The following UGT2B11 variants were observed in gnomAD, a reference collection of about 807,000 sequenced individuals.
UGT2B11 encodes UDP-glucuronosyltransferase 2B11.
In UGT2B11, 49 loss-of-function variants were observed where a neutral mutation model predicts 51.7. That is an observed-to-expected ratio of 0.95 (90% CI 0.75 to 1.20). The LOEUF is 1.20. Ranked by LOEUF, UGT2B11 falls within the 50% of genes most tolerant of loss-of-function variation. The pLI is 0.00. For synonymous variants in UGT2B11, 273 were observed against 209.0 expected (o/e 1.31, Z -2.64); for missense variants, 810 against 622.1 (o/e 1.30, Z -3.21).
At position 69,214,709 on chromosome 4, in the gene UGT2B11, C is replaced by A. The variant is rs772574972; in HGVS notation, c.14G>T (p.Trp5Leu). The A allele has an allele frequency of 5.6e-6, 9 of 1,612,280 alleles. No individual in the cohort carries two copies. The highest frequency in any genetic ancestry group is 6.8e-6 in the Non-Finnish European group (8 of 1,178,814). MTLK[W>L]TSVLLLIHLS... ...ATGTATCAGCAGAAGAACTGAAGTC[C>A]ATTTCAGAGTCATCCTGGTGCAATG... The change falls in exon 1 of 6, where the codon TGG becomes TTG. Residue 5 changes from tryptophan (W) to leucine (L), a missense_variant. By Grantham distance (61) the Trp-to-Leu change is moderately conservative (BLOSUM62 -2). Transcript: ENST00000446444.
At chr4:69,210,318 C>CG (rs1722014620) in intron 2 of UGT2B11, among the ~76,000 whole-genome samples, 1 of 151,412 alleles carries the variant, frequency 6.6e-6, no homozygotes, top group South Asian at 2.1e-4. Flanking sequence ...TATGATTTCA[C>CG]GTGAATATAT....
At chr4:69,207,478 C>T (rs947093732) in intron 3 of UGT2B11, among the ~76,000 whole-genome samples, 6 of 151,626 alleles carry the variant, frequency 4.0e-5, no homozygotes, top group Non-Finnish European at 8.9e-5. Flanking sequence ...CTACTATGTT[C>T]TATGGAGGGG....
Position 69,214,362 on chromosome 4 carries a change from C to T in UGT2B11, c.361G>A (p.Asp121Asn), listed in dbSNP as rs770976407. The stretch of plus-strand genomic sequence containing the variant: ...TCTTTACAGAAGTTTCTAAATATGT[C>T]ATATAATTCCCACAGGATTTCTTGT... ...QEQEILWELY[D>N]IFRNFCKDVV... Residue 121 changes from aspartate (D) to asparagine (N), a missense_variant, in exon 1 of 6, where the codon GAC becomes AAC. Transcript: ENST00000446444. 1.2e-6 allele frequency: 2 copies of T among 1,612,456 alleles called. No homozygotes were observed. The highest frequency in any genetic ancestry group is 1.1e-5 in the South Asian group (1 of 90,920).
chr4:69,213,435 A>T (rs1041092260), intron 1 of UGT2B11, among the ~76,000 whole-genome samples: 6 of 151,742 alleles, frequency 4.0e-5, no homozygotes, highest in Admixed American at 3.9e-4. Flanking sequence ...CATGATTTCC[A>T]ATTCTTTAGT....
At chr4:69,214,830 A>T, upstream of UGT2B11, 2 of 1,495,898 alleles carry the variant, frequency 1.3e-6, no homozygotes, top group East Asian at 2.3e-5. Context: ...CAAAGTAAAT[A>T]TATTATAGGA....
In UGT2B11 at chr4:69,214,223, C is replaced by G. The variant is rs778177055; in HGVS notation, c.500G>C (p.Arg167Pro). The G allele has an allele frequency of 5.6e-5, 90 of 1,612,984 alleles. No individual in the cohort carries two copies. In the East Asian group the frequency reaches 7.1e-4, roughly 13 times the overall value. Residue 167 changes from arginine to proline, a missense_variant, in exon 1 of 6, where the codon CGG becomes CCG. Physicochemically the swap from Arg to Pro is moderately radical, Grantham distance 103 (BLOSUM62 -2). Transcript: ENST00000446444. The part of the protein sequence containing the change: ...GELLAALLNI[R>P]FVYSLRFTPG... ...AGTAAAGCGGAGACTGTACACAAAC[C>G]GTATGTTAAGTAGCGCAGCCAGCAG...
intron 2 of UGT2B11, among the ~76,000 whole-genome samples, chr4:69,209,872 G>C (rs1335252803): frequency 1.3e-5 from 2 of 151,288 alleles, no homozygotes; most frequent in African/African-American, 4.8e-5. Context: ...TTCTCCTTTT[G>C]TGATAATATT....
At chr4:69,217,549 G>GCT (rs1173233743), upstream of UGT2B11, among the ~76,000 whole-genome samples, 1 of 151,926 alleles carries the variant, frequency 6.6e-6, no homozygotes, top group Admixed American at 6.6e-5. Flanking sequence ...TCACCTATAA[G>GCT]CTCTCTGTCT....
intron 2 of UGT2B11, among the ~76,000 whole-genome samples, chr4:69,209,330 T>C (rs1295159901): frequency 6.6e-6 from 1 of 151,680 alleles, no homozygotes; most frequent in Non-Finnish European, 1.5e-5. Flanking sequence ...CACTTTGTTG[T>C]GTCTCAGAGG....
At chr4:69,201,767 C>T (rs956071335) in intron 5 of UGT2B11, among the ~76,000 whole-genome samples, 2 of 151,500 alleles carry the variant, frequency 1.3e-5, no homozygotes, top group African/African-American at 4.8e-5. Flanking sequence ...CTATTTGATT[C>T]CTAGAATTTT....
intron 3 of UGT2B11, among the ~76,000 whole-genome samples, chr4:69,207,684 A>G (rs1489049132): frequency 6.6e-6 from 1 of 151,626 alleles, no homozygotes; most frequent in Non-Finnish European, 1.5e-5. Flanking sequence ...TTCCTGCTTC[A>G]GGCAGTGTTC....
chr4:69,211,321 G>A (rs1722054925), intron 2 of UGT2B11, among the ~76,000 whole-genome samples: 1 of 151,536 alleles, frequency 6.6e-6, no homozygotes, highest in African/African-American at 2.4e-5. Flanking sequence ...TGTTACTTAT[G>A]GTAGAATTTT....
At chr4:69,208,130 C>T (rs939453774) in intron 3 of UGT2B11, among the ~76,000 whole-genome samples, 3 of 151,468 alleles carry the variant, frequency 2.0e-5, no homozygotes, top group Non-Finnish European at 4.4e-5. Context: ...TAATAGGAGC[C>T]ACTCATGAAT....
Position 69,205,496 on chromosome 4 carries a change from G to T in UGT2B11, c.1074C>A (p.Pro358=). ...GLNTRLYKWI[P]QNDLLGHPKT... ...GAGTGTTACCTAGAAGGTCATTCTGGGGTATCCACTTGTACAGCCGAGTAT... is the reference window on the plus strand; with the variant it reads ...GAGTGTTACCTAGAAGGTCATTCTGTGGTATCCACTTGTACAGCCGAGTAT... Residue 358 remains proline, a synonymous_variant, in exon 4 of 6, where the codon CCC becomes CCA. Coordinates refer to ENST00000446444, the MANE Select transcript of UGT2B11 (RefSeq NM_001073.3). 6.2e-7 allele frequency: 1 copy of T among 1,610,534 alleles called. No homozygotes were observed. The highest frequency in any genetic ancestry group is 8.5e-7 in the Non-Finnish European group (1 of 1,177,822).
At chr4:69,217,382 G>T (rs1722300373), upstream of UGT2B11, among the ~76,000 whole-genome samples, 1 of 152,040 alleles carries the variant, frequency 6.6e-6, no homozygotes, top group South Asian at 2.1e-4. Flanking sequence ...AAAGGATGTT[G>T]GAACACAGTT....
Position 69,209,140 on chromosome 4 carries a change from T to A in UGT2B11, c.871-658A>T, listed in dbSNP as rs55928099. ...CATTCCTGAGTCTAGTATTGTGATT[T>A]GGAATTTTTATGAATCAGTCTTGGG... is the stretch of plus-strand genomic sequence containing the variant. On this transcript the variant is annotated intron_variant, in intron 2 of 5. Coordinates refer to ENST00000446444, the MANE Select transcript of UGT2B11 (RefSeq NM_001073.3). 5.9e-5 allele frequency among the ~76,000 whole-genome samples: 9 copies of A among 151,724 alleles called. No homozygotes were observed. In the South Asian group the frequency reaches 1.9e-3, roughly 31 times the overall value.
At chr4:69,223,479 C>G in the UGT2B11 span, among the ~76,000 whole-genome samples, 1 of 152,130 alleles carries the variant, frequency 6.6e-6, no homozygotes, top group East Asian at 1.9e-4. Flanking sequence ...TGCTGTGCAC[C>G]CACTGACCAC....
At chr4:69,209,265 TC>T in intron 2 of UGT2B11, among the ~76,000 whole-genome samples, 1 of 151,776 alleles carries the variant, frequency 6.6e-6, no homozygotes, top group East Asian at 2.0e-4. Context: ...TGCCCTGAAA[TC>T]ACACTGTTAA....
chr4:69,214,449 G>T lies in UGT2B11; in HGVS notation c.274C>A (p.Gln92Lys), dbSNP rs766895398. 1.2e-6 allele frequency: 2 copies of T among 1,613,114 alleles called. No homozygotes were observed. Among genetic ancestry groups the T allele is most frequent in the Non-Finnish European group, 1.7e-6 (2 of 1,179,538 alleles). ...TKTEFENIIM[Q>K]QVKRWSDIRK... ...ATGTCTGACCATCTCTTAACCTGTT[G>T]CATGATGATATTCTCAAATTCAGTT... Residue 92 changes from glutamine (Q) to lysine (K), a missense_variant, in exon 1 of 6, where the codon CAA (glutamine) becomes AAA (lysine). Gln to Lys is a moderately conservative substitution (Grantham distance 53). Transcript: ENST00000446444.
Sources: allele counts gnomAD v4.1 joint callset (sites outside exome capture counted in the v4.1 genomes callset), GRCh38; gene constraint gnomAD v4.1.1; transcripts MANE v1.5; gene names NCBI Gene and HGNC (gene_info 2026-07-23, HGNC 2026-07-21).